The following INPP5A variants were observed in gnomAD, a reference collection of about 807,000 sequenced individuals.
The protein encoded by INPP5A is 43 kDa inositol polyphosphate 5-phophatase.
Under a neutral mutation model 65.2 loss-of-function variants are expected in INPP5A, and 14 were observed. That is an observed-to-expected ratio of 0.21 (90% CI 0.14 to 0.34). The LOEUF (loss-of-function observed/expected upper bound fraction) is 0.34. Among genes scored for constraint, INPP5A ranks in the 10% least tolerant of loss-of-function variants. The pLI is 1.00. For missense variants in INPP5A, 431 were observed against 545.6 expected, an observed-to-expected ratio of 0.79 and a Z score of 2.09; for synonymous variants, 207 against 208.3, an observed-to-expected ratio of 0.99 and a Z score of 0.05.
At chr10:132,607,000 G>A (rs1381312648) in intron 1 of INPP5A, among the ~76,000 whole-genome samples, 1 of 152,172 alleles carries the variant, frequency 6.6e-6, no homozygotes, top group South Asian at 2.1e-4. Context: ...CCTCACGGTG[G>A]GCGATGTTGG....
chr10:132,754,483 T>TG (rs1846554916), intron 11 of INPP5A, among the ~76,000 whole-genome samples: 1 of 152,072 alleles, frequency 6.6e-6, no homozygotes, highest in African/African-American at 2.4e-5. Context: ...CCTATGGGCC[T>TG]GGGGCATCAC....
At chr10:132,577,278 A>C (rs1387063585) in intron 1 of INPP5A, among the ~76,000 whole-genome samples, 1 of 152,060 alleles carries the variant, frequency 6.6e-6, no homozygotes, top group Non-Finnish European at 1.5e-5. Context: ...TCTGCTCCTG[A>C]GCATTTCAGG....
At chr10:132,687,962 G>A (rs114808497) in intron 4 of INPP5A, among the ~76,000 whole-genome samples, 1 of 152,332 alleles carries the variant, frequency 6.6e-6, no homozygotes, top group African/African-American at 2.4e-5. Flanking sequence ...GAGGGCAGCT[G>A]TGTCATCCCC....
chr10:132,654,244 C>T (rs767912249), intron 4 of INPP5A, among the ~76,000 whole-genome samples: 14 of 152,258 alleles, frequency 9.2e-5, no homozygotes, highest in Admixed American at 3.3e-4. Context: ...GCTCCAGCCC[C>T]GGCTTCCCTG....
intron 2 of INPP5A, among the ~76,000 whole-genome samples, chr10:132,641,933 A>G (rs2072431421): frequency 6.6e-6 from 1 of 152,192 alleles, no homozygotes; most frequent in South Asian, 2.1e-4. Context: ...TGAGGGCGTC[A>G]TCACCCCTGT....
intron 11 of INPP5A, among the ~76,000 whole-genome samples, chr10:132,761,666 C>T (rs1254525350): frequency 2.0e-5 from 3 of 152,076 alleles, no homozygotes; most frequent in African/African-American, 7.2e-5. Flanking sequence ...CTGTGGGAGG[C>T]CAGTGCGGTG....
At position 132,727,834 on chromosome 10, in the gene INPP5A, A is replaced by G. The variant is rs969905146; in HGVS notation, c.732+929A>G. ...GGGACACGGTGAGTCAGATGGGGAC[A>G]TGGTGAGTTGGATGGGGACACAGTG... On this transcript the variant is annotated intron_variant, in intron 9 of 15. Coordinates refer to ENST00000368594, the MANE Select transcript of INPP5A (RefSeq NM_005539.5). This position sits in a 1 kb window ranked among gnomAD's most constrained non-coding sequence, Gnocchi z 6.5. 6.6e-6 allele frequency among the ~76,000 whole-genome samples: 1 copy of G among 152,120 alleles called. No individual in the cohort carries two copies. Among genetic ancestry groups the G allele is most frequent in the African/African-American group, 2.4e-5 (1 of 41,442 alleles).
At chr10:132,608,446 G>A (rs1003606801) in intron 2 of INPP5A, among the ~76,000 whole-genome samples, 4 of 152,242 alleles carry the variant, frequency 2.6e-5, no homozygotes, top group Non-Finnish European at 4.4e-5. Flanking sequence ...ATATGGGGCC[G>A]GTGTTTATGG....
In INPP5A at chr10:132,651,742, A is replaced by T. The variant is rs1001607784; in HGVS notation, c.306+1237A>T. Among the ~76,000 whole-genome samples, 2 of 152,168 alleles carry T rather than the reference A, an allele frequency of 1.3e-5. No homozygotes were observed. The highest frequency in any genetic ancestry group is 1.3e-4 in the Admixed American group (2 of 15,292). ...TCATTGCTGTTTGGGTTCAAGGGCCATCTCACTTGTTTGGGCATCCAGTGC... is the reference window on the plus strand; with the variant it reads ...TCATTGCTGTTTGGGTTCAAGGGCCTTCTCACTTGTTTGGGCATCCAGTGC... On this transcript the variant is annotated intron_variant, in intron 4 of 15. Coordinates refer to ENST00000368594, the MANE Select transcript of INPP5A (RefSeq NM_005539.5). This position sits in a 1 kb window ranked among gnomAD's most constrained non-coding sequence, Gnocchi z 5.0.
At chr10:132,596,889 G>A (rs1251793331) in intron 1 of INPP5A, among the ~76,000 whole-genome samples, 6 of 147,490 alleles carry the variant, frequency 4.1e-5, no homozygotes, top group Non-Finnish European at 7.5e-5. Flanking sequence ...ATGCACGTGT[G>A]TTTGGAGGCT....
intron 4 of INPP5A, among the ~76,000 whole-genome samples, chr10:132,652,107 A>G (rs2072586010): frequency 2.0e-5 from 3 of 151,358 alleles, no homozygotes; most frequent in Non-Finnish European, 4.4e-5. Context: ...CATCCTTTCC[A>G]TAAAATGGCA....
At chr10:132,596,935 G>GTGTGCGTGTGTGCGCA (rs1256211710) in intron 1 of INPP5A, among the ~76,000 whole-genome samples, 2 of 26,028 alleles carry the variant, frequency 7.7e-5, no homozygotes, top group Admixed American at 5.1e-4. Context: ...GCATGTGCAC[G>GTGTGCGTGTGTGCGCA]CATGTGTGCG....
chr10:132,621,784 CTT>C (rs566285891), intron 2 of INPP5A, among the ~76,000 whole-genome samples: 37 of 136,074 alleles, frequency 2.7e-4, no homozygotes, highest in Admixed American at 5.1e-4. Context: ...GGGGGTATGT[CTT>C]TTTTTTTTTT....
chr10:132,636,177 G>GTGTGTGTGTGTA (rs1371772849), intron 2 of INPP5A, among the ~76,000 whole-genome samples: 2 of 151,922 alleles, frequency 1.3e-5, no homozygotes, highest in African/African-American at 4.8e-5. Flanking sequence ...GTGTGTGTGT[G>GTGTGTGTGTGTA]TGTGTGTGTG....
chr10:132,631,065 T>G (rs2072266347), intron 2 of INPP5A, among the ~76,000 whole-genome samples: 1 of 152,046 alleles, frequency 6.6e-6, no homozygotes, highest in Non-Finnish European at 1.5e-5. Context: ...GCCTGCTGGG[T>G]CCCACACCCC....
At chr10:132,735,163 C>G (rs1461537664) in intron 9 of INPP5A, among the ~76,000 whole-genome samples, 3 of 152,204 alleles carry the variant, frequency 2.0e-5, no homozygotes, top group African/African-American at 7.2e-5. Context: ...TCTGCAACCC[C>G]CCGTGTGGAG....
intron 9 of INPP5A, among the ~76,000 whole-genome samples, chr10:132,742,499 C>G (rs757372691): frequency 9.2e-5 from 14 of 152,218 alleles, no homozygotes; most frequent in Middle Eastern, 3.2e-3. Context: ...GTCTCAGGTC[C>G]TGCCTGCCAT....
rs185486477 is a variant in INPP5A at position 132,749,656 on chromosome 10, G to A, written c.828+44G>A. The A allele has an allele frequency of 5.9e-4, 938 of 1,595,440 alleles. 8 individuals are homozygous for A. In the African/African-American group the frequency reaches 9.1e-3, roughly 15 times the overall value. On this transcript the variant is annotated intron_variant, in intron 10 of 15. Coordinates refer to ENST00000368594, the MANE Select transcript of INPP5A (RefSeq NM_005539.5). ...TGGGCAGGTGACGCACGGGGCCTGCGCAGGACTCTGCAGCTTCCTTCAGAG... is the reference window on the plus strand; with the variant it reads ...TGGGCAGGTGACGCACGGGGCCTGCACAGGACTCTGCAGCTTCCTTCAGAG...
Position 132,549,776 on chromosome 10 carries a change from C to T in INPP5A, c.75+11605C>T, listed in dbSNP as rs1272015642. 6.6e-6 allele frequency among the ~76,000 whole-genome samples: 1 copy of T among 152,260 alleles called. No homozygotes were observed. Among genetic ancestry groups the T allele is most frequent in the African/African-American group, 2.4e-5 (1 of 41,464 alleles). On this transcript the variant is annotated intron_variant, in intron 1 of 15. Transcript: ENST00000368594. This position sits in a 1 kb window ranked among gnomAD's most constrained non-coding sequence, Gnocchi z 4.9. ...GGTTCCTGCAGCCCCCACTCTCTGC[C>T]CCTGGTCTGAATGGTGGGGTTGGTG...
Sources: allele counts gnomAD v4.1 joint callset (sites outside exome capture counted in the v4.1 genomes callset), GRCh38; gene constraint gnomAD v4.1.1; non-coding constraint Gnocchi (gnomAD v3.1); transcripts MANE v1.5; gene names NCBI Gene and HGNC (gene_info 2026-07-23, HGNC 2026-07-21).